The following PTPRM variants were observed in gnomAD, a reference collection of about 807,000 sequenced individuals.
PTPRM encodes protein tyrosine phosphatase receptor type M.
PTPRM carries 47 observed loss-of-function variants against 186.7 expected under a neutral mutation model. That is an observed-to-expected ratio of 0.25 (90% CI 0.20 to 0.32). The LOEUF is 0.32. PTPRM is among the 10% of genes least tolerant of loss of function. The probability of loss-of-function intolerance (pLI) is 1.00; values close to 1 mark genes in which losing one functional copy is unlikely to be tolerated. For missense variants in PTPRM, 1,494 were observed against 1,865.0 expected, an observed-to-expected ratio of 0.80 and a Z score of 3.66; for synonymous variants, 668 against 674.9, an observed-to-expected ratio of 0.99 and a Z score of 0.16.
In PTPRM at chr18:8,191,181, C is replaced by A. The variant is rs535378490; in HGVS notation, c.2300+47402C>A. Among the ~76,000 whole-genome samples the A allele has an allele frequency of 1.3e-3, 199 of 152,290 alleles. 1 individual carries two copies. Among genetic ancestry groups the A allele is most frequent in the African/African-American group, 4.6e-3 (192 of 41,570 alleles). On this transcript the variant is annotated intron_variant, in intron 14 of 32. Transcript: ENST00000580170. ...GAGCCTGTTTTATGGGCTTGCCCAG[C>A]CAGCCAAGGATACTCACCCTGAGCC...
At chr18:7,895,979 G>A (rs2049334524) in intron 3 of PTPRM, among the ~76,000 whole-genome samples, 1 of 152,202 alleles carries the variant, frequency 6.6e-6, no homozygotes, top group South Asian at 2.1e-4. Flanking sequence ...TATGCTACAG[G>A]TACACATCAC....
At chr18:8,123,430 G>C (rs1347561409) in intron 13 of PTPRM, among the ~76,000 whole-genome samples, 2 of 152,144 alleles carry the variant, frequency 1.3e-5, no homozygotes, top group Non-Finnish European at 2.9e-5. Flanking sequence ...GGACAGTAAA[G>C]AAAACTAAGC....
At position 8,114,804 on chromosome 18, in the gene PTPRM, A is replaced by G. The variant is rs764263629; in HGVS notation, c.2144A>G (p.Asp715Gly). ...ASRANGETKI[D>G]CVQVATKGAA... ...TATTTGACACAGGAAACCAAAATAGACTGTGTCCAAGTGGCCACAAAAGGT... is the reference window on the plus strand; with the variant it reads ...TATTTGACACAGGAAACCAAAATAGGCTGTGTCCAAGTGGCCACAAAAGGT... The change falls in exon 13 of 33, where the codon GAC (aspartate) becomes GGC (glycine). Residue 715 changes from aspartate (D) to glycine (G), a missense_variant. This residue lies in a region of PTPRM where 1,107 missense variants were observed against 1,350.2 expected (regional missense o/e 0.82). Coordinates refer to ENST00000580170, the MANE Select transcript of PTPRM (RefSeq NM_001105244.2). 11 of 1,610,826 alleles carry G rather than the reference A, an allele frequency of 6.8e-6. No individual in the cohort carries two copies. Among genetic ancestry groups the G allele is most frequent in the Non-Finnish European group, 9.3e-6 (11 of 1,178,428 alleles).
At chr18:7,669,272 G>T (rs964282597) in intron 1 of PTPRM, among the ~76,000 whole-genome samples, 2 of 152,152 alleles carry the variant, frequency 1.3e-5, no homozygotes, top group Non-Finnish European at 2.9e-5. Flanking sequence ...TTGGTTACCA[G>T]TCCTTTGGAA....
intron 2 of PTPRM, among the ~76,000 whole-genome samples, chr18:7,838,286 T>C (rs1237003464): frequency 2.0e-5 from 3 of 152,160 alleles, no homozygotes; most frequent in African/African-American, 7.2e-5. Flanking sequence ...CTCACTATCA[T>C]GAGAAAAGCA....
chr18:8,253,090 CT>C, intron 18 of PTPRM, 136 bp from the exon 19 acceptor site: 1 of 583,654 alleles, frequency 1.7e-6, no homozygotes. Context: ...TTTAACTTTT[CT>C]TTTTTGCTGA....
intron 1 of PTPRM, among the ~76,000 whole-genome samples, chr18:7,671,761 T>A (rs8091470): frequency 6.6e-6 from 1 of 152,088 alleles, no homozygotes; most frequent in African/African-American, 2.4e-5. Context: ...GTTTTTAAAT[T>A]AAAAAAATAA....
At chr18:8,315,198 G>C (rs2148033961) in intron 21 of PTPRM, among the ~76,000 whole-genome samples, 1 of 152,280 alleles carries the variant, frequency 6.6e-6, no homozygotes, top group Admixed American at 6.5e-5. Context: ...TGTGGACTAA[G>C]AAAATGTTAT....
chr18:7,569,902 G>A (rs2036526340), intron 1 of PTPRM, among the ~76,000 whole-genome samples: 1 of 152,166 alleles, frequency 6.6e-6, no homozygotes, highest in Admixed American at 6.5e-5. Context: ...GAGTTATCCT[G>A]GCATGCTAGT....
intron 1 of PTPRM, among the ~76,000 whole-genome samples, chr18:7,673,685 A>G (rs2039269957): frequency 6.6e-6 from 1 of 152,238 alleles, no homozygotes; most frequent in Non-Finnish European, 1.5e-5. Flanking sequence ...TGGAAACAAA[A>G]ACATTCAAAG....
chr18:7,710,619 G>A (rs1280117713), intron 1 of PTPRM, among the ~76,000 whole-genome samples: 1 of 152,172 alleles, frequency 6.6e-6, no homozygotes, highest in Non-Finnish European at 1.5e-5. Context: ...GCTGTTTGCT[G>A]ATGAAATGAT....
intron 1 of PTPRM, among the ~76,000 whole-genome samples, chr18:7,613,527 G>T (rs1171900754): frequency 6.6e-6 from 1 of 152,144 alleles, no homozygotes; most frequent in African/African-American, 2.4e-5. Context: ...ACAAAAATTA[G>T]CCAGGCATGG....
intron 2 of PTPRM, among the ~76,000 whole-genome samples, chr18:7,876,309 A>G (rs1269516472): frequency 1.3e-5 from 2 of 152,214 alleles, no homozygotes; most frequent in East Asian, 3.8e-4. Context: ...TGCATTCTCA[A>G]TGATATAACA....
At chr18:8,017,098 T>C (rs1007490343) in intron 7 of PTPRM, among the ~76,000 whole-genome samples, 16 of 152,216 alleles carry the variant, frequency 1.1e-4, no homozygotes, top group Admixed American at 7.9e-4. Context: ...TTCCTGACAG[T>C]ATTTATTTTA....
In PTPRM at chr18:7,568,340, C is replaced by A. The variant is rs1370279083; in HGVS notation, c.73+449C>A. ...CGGCCGGGCCCAGGCCGCTGGTGTT[C>A]GGCTGCGCCCGCAGCGATCGCCGGG... On this transcript the variant is annotated intron_variant, in intron 1 of 32. Coordinates refer to ENST00000580170, the MANE Select transcript of PTPRM (RefSeq NM_001105244.2). The surrounding 1 kb of genome is among the most constrained non-coding windows in gnomAD (Gnocchi z 5.1). Among the ~76,000 whole-genome samples, 1 of 151,782 alleles carries A rather than the reference C, an allele frequency of 6.6e-6. No individual in the cohort carries two copies. The highest frequency in any genetic ancestry group is 1.5e-5 in the Non-Finnish European group (1 of 67,916).
intron 14 of PTPRM, among the ~76,000 whole-genome samples, chr18:8,208,681 T>TA (rs993905269): frequency 2.6e-5 from 4 of 152,106 alleles, no homozygotes; most frequent in Non-Finnish European, 4.4e-5. Context: ...GCTAATTTTT[T>TA]AAAAAAATTT....
chr18:7,948,928 A>C (rs1011639985), intron 5 of PTPRM, among the ~76,000 whole-genome samples: 10 of 152,204 alleles, frequency 6.6e-5, no homozygotes, highest in African/African-American at 2.4e-4. Flanking sequence ...AATTAACATA[A>C]TATTTTGAAG....
rs1034827236 is a variant in PTPRM, at chr18:8,025,375, A to G, written c.1133-44311A>G. The stretch of plus-strand genomic sequence containing the variant: ...ATTCCTGCTGCTCTTCTTTTGTCAA[A>G]TAGAGACATAAAGGTTATGACTGGG... On this transcript the variant is annotated intron_variant, in intron 7 of 32. Coordinates refer to ENST00000580170, the MANE Select transcript of PTPRM (RefSeq NM_001105244.2). 4.6e-5 allele frequency among the ~76,000 whole-genome samples: 7 copies of G among 152,316 alleles called. No homozygotes were observed. In the South Asian group the frequency reaches 8.3e-4, roughly 18 times the overall value.
At chr18:8,071,936 A>T (rs975735898) in intron 8 of PTPRM, among the ~76,000 whole-genome samples, 2 of 152,220 alleles carry the variant, frequency 1.3e-5, no homozygotes, top group Non-Finnish European at 2.9e-5. Context: ...TACATTAGGG[A>T]TAGAAGAAAT....
Sources: gnomAD v4.1 joint callset for allele counts (sites outside exome capture counted in the v4.1 genomes callset) on GRCh38, gnomAD v4.1.1 for gene constraint, gnomAD v4.1.1 regional missense constraint, Gnocchi (gnomAD v3.1) non-coding constraint, MANE v1.5 for transcripts, NCBI Gene and HGNC (gene_info 2026-07-23, HGNC 2026-07-21) for gene names.